ABL1: variants seen among roughly 807,000 people sequenced by gnomAD.
ABL1 encodes the protein tyrosine-protein kinase ABL1.
Under a neutral mutation model 94.7 loss-of-function variants are expected in ABL1, and 11 were observed. The observed-to-expected ratio is 0.12, with a 90% CI of 0.07 to 0.19. The LOEUF (loss-of-function observed/expected upper bound fraction) is 0.19, where lower values mean the gene tolerates loss of function less well. ABL1 is among the 10% of genes least tolerant of loss of function. The probability of loss-of-function intolerance (pLI) is 1.00; values close to 1 mark genes in which losing one functional copy is unlikely to be tolerated. For synonymous variants in ABL1, 656 were observed against 622.4 expected (o/e 1.05, Z -0.80); for missense variants, 1,082 against 1,489.4 (o/e 0.73, Z 4.50).
intron 1 of ABL1, among the ~76,000 whole-genome samples, chr9:130,806,458 A>G (rs1830126528): frequency 2.0e-5 from 3 of 152,210 alleles, no homozygotes; most frequent in Admixed American, 6.5e-5. Context: ...TAAGCTTGTT[A>G]GTAAGCCAGG....
intron 8 of ABL1, among the ~76,000 whole-genome samples, chr9:130,879,551 G>T (rs1181363286): frequency 6.6e-6 from 1 of 152,208 alleles, no homozygotes; most frequent in African/African-American, 2.4e-5. Context: ...AACTGTGTGG[G>T]TTTTAAATTT....
intron 1 of ABL1, among the ~76,000 whole-genome samples, chr9:130,784,271 G>A (rs2132791793): frequency 6.6e-6 from 1 of 152,158 alleles, no homozygotes. Context: ...AAATTTCTGT[G>A]TTTTTTTGTC....
intron 1 of ABL1, among the ~76,000 whole-genome samples, chr9:130,783,568 T>C (rs1829784799): frequency 6.6e-6 from 1 of 152,220 alleles, no homozygotes; most frequent in Non-Finnish European, 1.5e-5. Flanking sequence ...TCCCCTCAAA[T>C]TGAGAATGAC....
intron 1 of ABL1, among the ~76,000 whole-genome samples, chr9:130,792,368 T>G (rs1177707739): frequency 6.6e-6 from 1 of 152,174 alleles, no homozygotes; most frequent in Non-Finnish European, 1.5e-5. Flanking sequence ...CATAAGTGAG[T>G]CTTGGCAGTG....
chr9:130,826,949 G>A (rs1830434309), intron 1 of ABL1, among the ~76,000 whole-genome samples: 1 of 152,152 alleles, frequency 6.6e-6, no homozygotes, highest in South Asian at 2.1e-4. Flanking sequence ...GTGGTGGCGG[G>A]CGCCTGTAGT....
chr9:130,878,733 C>T (rs959272908), intron 8 of ABL1, among the ~76,000 whole-genome samples, 166 bp downstream of exon 8: 5 of 152,166 alleles, frequency 3.3e-5, no homozygotes, highest in African/African-American at 1.2e-4. Flanking sequence ...CCTTTATTTA[C>T]AGATAAATAG....
intron 1 of ABL1, among the ~76,000 whole-genome samples, chr9:130,721,301 C>T (rs1262627582): frequency 6.6e-6 from 1 of 151,500 alleles, no homozygotes; most frequent in Admixed American, 6.6e-5. Flanking sequence ...TCACGTGAAC[C>T]TGGGAAGCAG....
In ABL1 at chr9:130,886,681, C is replaced by G; in HGVS notation, c.*998C>G. ...AAAGGGCCCTTCCCCTCCCCCACTC[C>G]TCTAAGACAAAGTAGATTCTTACAA... On this transcript the variant is annotated 3_prime_UTR_variant, in exon 11 of 11. Coordinates refer to ENST00000318560, the MANE Select transcript of ABL1 (RefSeq NM_005157.6). The G allele has an allele frequency of 4.3e-6, 1 of 233,780 alleles. No homozygotes were observed. Among genetic ancestry groups the G allele is most frequent in the Non-Finnish European group, 8.5e-6 (1 of 118,080 alleles). 14.5% of individuals were successfully genotyped at this position (233,780 alleles called of 1,614,324 possible).
intron 1 of ABL1, among the ~76,000 whole-genome samples, chr9:130,733,400 G>A (rs908284493): frequency 8.5e-5 from 13 of 152,134 alleles, no homozygotes; most frequent in African/African-American, 2.9e-4. Context: ...ATCCTAGGTT[G>A]CAAAGAATAT....
chr9:130,807,599 G>T (rs545131638), intron 1 of ABL1, among the ~76,000 whole-genome samples: 1 of 146,740 alleles, frequency 6.8e-6, no homozygotes, highest in African/African-American at 2.5e-5. Flanking sequence ...TGACATCTAA[G>T]ATTTTTATTA....
At position 130,885,337 on chromosome 9, in the gene ABL1, G is replaced by T. The variant is rs778935845; in HGVS notation, c.3047G>T (p.Arg1016Leu). The stretch of plus-strand genomic sequence containing the variant: ...ACCCGAGTGTCTCTTCGGAAAACCC[G>T]CCAGCCTCCAGAGCGGATCGCCAGC... ...ISTRVSLRKTRQPPERIASGA... is the reference protein window; with the variant it reads ...ISTRVSLRKTLQPPERIASGA... The change falls in exon 11 of 11, where the codon CGC becomes CTC. Residue 1016 changes from arginine to leucine, a missense_variant. Physicochemically the swap from Arg to Leu is moderately radical, Grantham distance 102. Transcript: ENST00000318560. 3 of 1,613,526 alleles carry T rather than the reference G, an allele frequency of 1.9e-6. No homozygotes were observed. The highest frequency in any genetic ancestry group is 1.3e-5 in the African/African-American group (1 of 74,926).
intron 10 of ABL1, among the ~76,000 whole-genome samples, chr9:130,881,376 T>C (rs1283928047): frequency 6.6e-6 from 1 of 152,128 alleles, no homozygotes; most frequent in Non-Finnish European, 1.5e-5. Context: ...TACCCAAGAC[T>C]GGGTAATTTA....
chr9:130,779,776 AG>A (rs929827941), intron 1 of ABL1, among the ~76,000 whole-genome samples: 1 of 152,214 alleles, frequency 6.6e-6, no homozygotes, highest in African/African-American at 2.4e-5. Context: ...TGATGCTTTT[AG>A]GTAGCTATTA....
intron 1 of ABL1, among the ~76,000 whole-genome samples, chr9:130,837,218 C>G (rs1331578407): frequency 6.6e-6 from 1 of 152,148 alleles, no homozygotes; most frequent in Non-Finnish European, 1.5e-5. Flanking sequence ...TCTGAGCATT[C>G]CAAATCATCT....
Position 130,872,282 on chromosome 9 carries a change from A to G in ABL1, c.907+69A>G. ...CCCCAGGGTGACACAGGCGCTGGGG[A>G]AGACGCACGGGCGGCTCACTGCACA... On this transcript the variant is annotated intron_variant, in intron 5 of 10. Transcript: ENST00000318560. This position sits in a 1 kb window ranked among gnomAD's most constrained non-coding sequence, Gnocchi z 5.0. The G allele has an allele frequency of 7.0e-7, 1 of 1,434,304 alleles. No homozygotes were observed. The highest frequency in any genetic ancestry group is 9.7e-7 in the Non-Finnish European group (1 of 1,030,962). The allele number at this position is 1,434,304 out of a possible 1,614,324, so 88.8% of individuals were successfully genotyped here. A position where few individuals can be genotyped will look rare whatever the true frequency, so the allele number is the denominator to read the frequency against.
In ABL1 at chr9:130,874,120, C is replaced by G. The variant is rs183457170; in HGVS notation, c.1086-748C>G. ...TAATTTCACTCTTGTTGCTGACGAT[C>G]AGGCTATCTCACGCAGCCATCACCT... is the stretch of plus-strand genomic sequence containing the variant. On this transcript the variant is annotated intron_variant, in intron 6 of 10. Transcript: ENST00000318560. 2.6e-3 allele frequency among the ~76,000 whole-genome samples: 401 copies of G among 152,340 alleles called. 5 individuals are homozygous for G. Among genetic ancestry groups the G allele is most frequent in the African/African-American group, 9.3e-3 (386 of 41,580 alleles).
rs148837636 is a variant in ABL1 at position 130,880,120 on chromosome 9, C to T, written c.1476C>T (p.Ala492=). 17 of 1,614,172 alleles carry T rather than the reference C, an allele frequency of 1.1e-5. No individual in the cohort carries two copies. The highest frequency in any genetic ancestry group is 1.7e-5 in the Admixed American group (1 of 60,022). ...DRPSFAEIHQ[A]FETMFQESSI... The stretch of plus-strand genomic sequence containing the variant: ...CCTCCTTTGCTGAAATCCACCAAGC[C>T]TTTGAAACAATGTTCCAGGAATCCA... The change falls in exon 9 of 11, where the codon GCC becomes GCT. Residue 492 remains alanine, a synonymous_variant. Coordinates refer to ENST00000318560, the MANE Select transcript of ABL1 (RefSeq NM_005157.6). This position sits in a 1 kb window ranked among gnomAD's most constrained non-coding sequence, Gnocchi z 4.4.
chr9:130,808,565 G>C (rs1002302229), intron 1 of ABL1, among the ~76,000 whole-genome samples: 5 of 152,052 alleles, frequency 3.3e-5, no homozygotes, highest in Non-Finnish European at 7.4e-5. Flanking sequence ...ATTTCAAGAT[G>C]GGTGGGCAGG....
At chr9:130,857,927 G>C (rs893717765) in intron 3 of ABL1, among the ~76,000 whole-genome samples, 1 of 152,022 alleles carries the variant, frequency 6.6e-6, no homozygotes, top group Admixed American at 6.6e-5. Context: ...TCTGAGGGAC[G>C]TACTTCAGGA....
Sources: allele counts gnomAD v4.1 joint callset (sites outside exome capture counted in the v4.1 genomes callset), GRCh38; gene constraint gnomAD v4.1.1; non-coding constraint Gnocchi (gnomAD v3.1); transcripts MANE v1.5; gene names NCBI Gene and HGNC (gene_info 2026-07-23, HGNC 2026-07-21).